The following PTGIS variants were observed in gnomAD, a reference collection of about 807,000 sequenced individuals.
PTGIS encodes the protein prostacyclin synthase.
Under a neutral mutation model 50.3 loss-of-function variants are expected in PTGIS, and 45 were observed. That is an observed-to-expected ratio of 0.90 (90% confidence interval 0.70 to 1.15). The LOEUF is 1.15. PTGIS is among the 50% of genes most tolerant of loss of function. The pLI is 0.00. For synonymous variants in PTGIS, 260 were observed against 267.7 expected, an observed-to-expected ratio of 0.97 and a Z score of 0.28; for missense variants, 668 against 661.3, an observed-to-expected ratio of 1.01 and a Z score of -0.11.
chr20:49,508,693 G>T (rs1202969541), intron 9 of PTGIS, among the ~76,000 whole-genome samples: 1 of 152,216 alleles, frequency 6.6e-6, no homozygotes, highest in Non-Finnish European at 1.5e-5. Context: ...TCGCTCTCAA[G>T]ACATTTTACT....
At position 49,525,595 on chromosome 20, in the gene PTGIS, T is replaced by TA. The variant is rs201601158; in HGVS notation, c.674-1357_674-1356insT. 2.9e-3 allele frequency among the ~76,000 whole-genome samples: 440 copies of TA among 151,734 alleles called. 5 individuals carry two copies. The highest frequency in any genetic ancestry group is 0.01 in the African/African-American group (413 of 41,252). On this transcript the variant is annotated intron_variant, in intron 5 of 9. Transcript: ENST00000244043. ...TTCTTTTCTACTTCTTTTTTTTTTT[T>TA]TAAAATATTTTCATGAACCATACAT...
Position 49,559,122 on chromosome 20 carries a change from G to T in PTGIS, c.74+8921C>A, listed in dbSNP as rs769443738. On this transcript the variant is annotated intron_variant, in intron 1 of 9. Coordinates refer to ENST00000244043, the MANE Select transcript of PTGIS (RefSeq NM_000961.4). ...ACAGATCCAGGACTTAACAGACCCA[G>T]GAAACATCCTGCTGTCCCGATATTT... 2.0e-5 allele frequency among the ~76,000 whole-genome samples: 3 copies of T among 152,076 alleles called. No individual in the cohort carries two copies. In the South Asian group the frequency reaches 6.2e-4, roughly 31 times the overall value.
intron 3 of PTGIS, 88 bp downstream of exon 3, chr20:49,547,753 C>G: frequency 2.7e-6 from 4 of 1,456,598 alleles, no homozygotes; most frequent in Non-Finnish European, 3.8e-6. Context: ...CGAACATTTG[C>G]TTTGGAACCA....
chr20:49,565,647 G>A (rs1057359586), intron 1 of PTGIS, among the ~76,000 whole-genome samples: 2 of 151,620 alleles, frequency 1.3e-5, no homozygotes, highest in Non-Finnish European at 2.9e-5. Context: ...CTGGGCCACA[G>A]TGTGAGATCC....
chr20:49,510,749 C>G (rs888175830), intron 9 of PTGIS, among the ~76,000 whole-genome samples: 4 of 152,166 alleles, frequency 2.6e-5, no homozygotes, highest in Admixed American at 6.5e-5. Flanking sequence ...AAAGGAATGT[C>G]CAGTATTTGG....
At chr20:49,538,707 C>CA (rs1354105794) in intron 5 of PTGIS, among the ~76,000 whole-genome samples, 2 of 150,718 alleles carry the variant, frequency 1.3e-5, no homozygotes, top group Admixed American at 6.6e-5. Flanking sequence ...TTATTTAAGA[C>CA]AGAGTCTGGC....
In PTGIS at chr20:49,540,078, A is replaced by C. The variant is rs1437813774; in HGVS notation, c.522-357T>G. On this transcript the variant is annotated intron_variant, in intron 4 of 9. Coordinates refer to ENST00000244043, the MANE Select transcript of PTGIS (RefSeq NM_000961.4). This position sits in a 1 kb window ranked among gnomAD's most constrained non-coding sequence, Gnocchi z 4.8. ...GGGGCTGGTGTCAAGCTGACAGCTG[A>C]AGGCTGAGAAGGAGTCAGCCATGGG... 2.0e-5 allele frequency among the ~76,000 whole-genome samples: 3 copies of C among 151,902 alleles called. No individual in the cohort carries two copies. The highest frequency in any genetic ancestry group is 7.3e-5 in the African/African-American group (3 of 41,354).
intron 5 of PTGIS, among the ~76,000 whole-genome samples, chr20:49,528,967 CTTAA>C (rs749298774): frequency 9.2e-5 from 14 of 152,130 alleles, no homozygotes; most frequent in Non-Finnish European, 1.5e-4. Flanking sequence ...ACTGTTATTA[CTTAA>C]TTTTTTTCCA....
intron 6 of PTGIS, among the ~76,000 whole-genome samples, chr20:49,517,938 G>A (rs1568670591): frequency 6.6e-6 from 1 of 152,258 alleles, no homozygotes; most frequent in Non-Finnish European, 1.5e-5. Flanking sequence ...GAGGCACTGA[G>A]TGATCCACGC....
intron 6 of PTGIS, 70 bp downstream of exon 6, chr20:49,523,988 C>T: frequency 6.3e-7 from 1 of 1,576,538 alleles, no homozygotes; most frequent in Non-Finnish European, 8.7e-7. Context: ...CAGACATGCA[C>T]ACACACATGC....
At chr20:49,510,257 T>G (rs1483073292) in intron 9 of PTGIS, among the ~76,000 whole-genome samples, 1 of 152,142 alleles carries the variant, frequency 6.6e-6, no homozygotes, top group Non-Finnish European at 1.5e-5. Context: ...CATAATTGAC[T>G]CCATTTTCTT....
chr20:49,511,285 A>C, intron 8 of PTGIS, 106 bp from the exon 9 acceptor site: 1 of 1,361,392 alleles, frequency 7.3e-7, no homozygotes, highest in South Asian at 1.2e-5. Flanking sequence ...AGAGGGAAAA[A>C]CTGGAAACCA....
intron 1 of PTGIS, among the ~76,000 whole-genome samples, chr20:49,561,901 T>C (rs1001156089): frequency 3.9e-5 from 6 of 152,214 alleles, no homozygotes; most frequent in Non-Finnish European, 7.3e-5. Context: ...CTTGGCATTT[T>C]CCAAACGTTT....
chr20:49,560,036 G>A (rs1413972369), intron 1 of PTGIS, among the ~76,000 whole-genome samples: 2 of 151,276 alleles, frequency 1.3e-5, no homozygotes, highest in Non-Finnish European at 2.9e-5. Context: ...GCAATTCTCT[G>A]CCTCAGCCTG....
intron 6 of PTGIS, among the ~76,000 whole-genome samples, chr20:49,523,672 G>A (rs1044969278): frequency 9.0e-4 from 137 of 151,968 alleles, no homozygotes; most frequent in Non-Finnish European, 1.5e-3. Context: ...CCAGCTACTC[G>A]GGAGGCTGAG....
At chr20:49,553,538 C>A (rs1422841592) in intron 1 of PTGIS, among the ~76,000 whole-genome samples, 1 of 151,842 alleles carries the variant, frequency 6.6e-6, no homozygotes, top group African/African-American at 2.4e-5. Flanking sequence ...TCATATAATT[C>A]AGAATCTAAA....
In PTGIS at chr20:49,517,868, T is replaced by A. The variant is rs1981529984; in HGVS notation, c.856-3473A>T. On this transcript the variant is annotated intron_variant, in intron 6 of 9. Coordinates refer to ENST00000244043, the MANE Select transcript of PTGIS (RefSeq NM_000961.4). The stretch of plus-strand genomic sequence containing the variant: ...ACCTCCTCTTAAGTCTAAGTCCATG[T>A]GGGCCATCCAGGACTGACCCATCCT... 2.0e-5 allele frequency among the ~76,000 whole-genome samples: 3 copies of A among 152,358 alleles called. No individual in the cohort carries two copies. The South Asian group carries it at 6.2e-4, about 32-fold the overall frequency.
At chr20:49,549,713 C>T (rs530265744) in intron 2 of PTGIS, among the ~76,000 whole-genome samples, 2 of 152,154 alleles carry the variant, frequency 1.3e-5, no homozygotes, top group African/African-American at 4.8e-5. Context: ...TTAGTAGACA[C>T]CAGGTGGACA....
At position 49,505,569 on chromosome 20, in the gene PTGIS, G is replaced by A. The variant is rs542130777; in HGVS notation, c.*2351C>T. On this transcript the variant is annotated 3_prime_UTR_variant, in exon 10 of 10. Coordinates refer to ENST00000244043, the MANE Select transcript of PTGIS (RefSeq NM_000961.4). ...GTGACAACCCAGCCTGATTTGGAAG[G>A]GGGGAGTCATAAGGGTTTTCGCCCA... The A allele has an allele frequency of 7.2e-5, 11 of 152,740 alleles. No homozygotes were observed. Among genetic ancestry groups the A allele is most frequent in the Admixed American group, 4.6e-4 (7 of 15,298 alleles). 9.5% of individuals were successfully genotyped at this position (152,740 alleles called of 1,614,324 possible).
Sources: allele counts gnomAD v4.1 joint callset (sites outside exome capture counted in the v4.1 genomes callset), GRCh38; gene constraint gnomAD v4.1.1; non-coding constraint Gnocchi (gnomAD v3.1); transcripts MANE v1.5; gene names NCBI Gene and HGNC (gene_info 2026-07-23, HGNC 2026-07-21).